Variants in IFT56 observed in about 807,000 individuals in gnomAD.
The protein encoded by IFT56 is intraflagellar transport protein 56.
At chr7:139,165,599 A>G in the IFT56 span, among the ~76,000 whole-genome samples, 167 of 152,214 alleles carry the variant, frequency 1.1e-3, no homozygotes, top group African/African-American at 3.8e-3. Context: ...GTCTTTTGAA[A>G]AAAGTATTAA....
At chr7:139,163,374 A>G in the IFT56 span, among the ~76,000 whole-genome samples, 1 of 151,800 alleles carries the variant, frequency 6.6e-6, no homozygotes, top group South Asian at 2.1e-4. Context: ...AGAAAGTGGC[A>G]TTGTTGTTAT....
At chr7:139,189,273 T>A in the IFT56 span, 1 of 1,390,436 alleles carries the variant, frequency 7.2e-7, no homozygotes, top group South Asian at 1.2e-5. Flanking sequence ...TATTTTTTAA[T>A]TTTCATTCTT....
chr7:139,187,497 G>C, the IFT56 span: 1 of 1,614,204 alleles, frequency 6.2e-7, no homozygotes. Context: ...CGGGGTGCCT[G>C]TGTGGGCATT....
chr7:139,144,313 T>G, the IFT56 span, among the ~76,000 whole-genome samples: 3 of 152,114 alleles, frequency 2.0e-5, no homozygotes, highest in Non-Finnish European at 4.4e-5. Flanking sequence ...GTTGCTTTAT[T>G]GCTTCCTAGG....
chr7:139,163,340 TAAAA>T, the IFT56 span, among the ~76,000 whole-genome samples: 2 of 124,638 alleles, frequency 1.6e-5, no homozygotes. Context: ...AGACTCCATC[TAAAA>T]AAAAAAAAAA....
chr7:139,146,644 G>A, the IFT56 span, among the ~76,000 whole-genome samples: 1 of 151,876 alleles, frequency 6.6e-6, no homozygotes, highest in Non-Finnish European at 1.5e-5. Context: ...GCATGCGCCT[G>A]TAATCCCAGG....
chr7:139,179,692 T>C, the IFT56 span: 11 of 1,465,644 alleles, frequency 7.5e-6, no homozygotes, highest in South Asian at 1.1e-4. Flanking sequence ...CTTTTTCTTT[T>C]TGGTTGCATA....
chr7:139,187,366 T>G, the IFT56 span: 3 of 1,603,654 alleles, frequency 1.9e-6, no homozygotes, highest in Non-Finnish European at 1.7e-6. Context: ...CTGTGCAATC[T>G]CTTTACTGCA....
the IFT56 span, among the ~76,000 whole-genome samples, chr7:139,169,721 T>C: frequency 3.9e-5 from 6 of 152,330 alleles, no homozygotes; most frequent in East Asian, 1.2e-3. Context: ...TATAAAAATA[T>C]TAAAACCAGC....
chr7:139,141,368 AT>A, the IFT56 span, among the ~76,000 whole-genome samples: 9 of 152,146 alleles, frequency 5.9e-5, no homozygotes, highest in African/African-American at 2.2e-4. Context: ...GGTTCAAGCC[AT>A]CCTCCAGCCC....
At chr7:139,142,597 A>C in the IFT56 span, among the ~76,000 whole-genome samples, 1 of 152,226 alleles carries the variant, frequency 6.6e-6, no homozygotes, top group African/African-American at 2.4e-5. Flanking sequence ...TGGGAGGCTG[A>C]AGCGGGCGGA....
the IFT56 span, among the ~76,000 whole-genome samples, chr7:139,181,996 A>G: frequency 6.6e-6 from 1 of 152,120 alleles, no homozygotes; most frequent in Non-Finnish European, 1.5e-5. Context: ...TGAGGTGCAA[A>G]TGGCAGACAG....
the IFT56 span, among the ~76,000 whole-genome samples, chr7:139,154,363 T>C: frequency 6.6e-6 from 1 of 151,882 alleles, no homozygotes; most frequent in African/African-American, 2.4e-5. Flanking sequence ...CTTTTTTTTT[T>C]TTTTGCCTTT....
chr7:139,147,428 A>G, the IFT56 span: 1 of 768,618 alleles, frequency 1.3e-6, no homozygotes, highest in East Asian at 2.6e-5. Context: ...TGGTGAGATT[A>G]AGAATTAGAT....
At chr7:139,135,299 C>CAA in the IFT56 span, among the ~76,000 whole-genome samples, 1 of 99,190 alleles carries the variant, frequency 1.0e-5, no homozygotes, top group African/African-American at 5.9e-5. Flanking sequence ...AAAAAAAAAA[C>CAA]AAAACAAAAC....
At chr7:139,178,917 T>C in the IFT56 span, among the ~76,000 whole-genome samples, 655 of 152,176 alleles carry the variant, frequency 4.3e-3, 3 homozygotes, top group Non-Finnish European at 7.8e-3. Flanking sequence ...AAAATTACAA[T>C]GTGAATAGAC....
the IFT56 span, among the ~76,000 whole-genome samples, chr7:139,141,153 C>T: frequency 6.8e-6 from 1 of 147,814 alleles, no homozygotes; most frequent in African/African-American, 2.5e-5. Flanking sequence ...CCCAGCTACT[C>T]GGGAGGCTGA....
the IFT56 span, chr7:139,166,905 A>G: frequency 1.3e-6 from 2 of 1,553,364 alleles, no homozygotes; most frequent in East Asian, 4.5e-5. Flanking sequence ...GGTAACTGAG[A>G]ATGTTTTATA....
chr7:139,168,489 GCTCT>G, the IFT56 span: 1 of 877,226 alleles, frequency 1.1e-6, no homozygotes, highest in Non-Finnish European at 1.9e-6. Context: ...GCAGCAATAG[GCTCT>G]CCTGTAGCTC....
Sources: allele counts gnomAD v4.1 joint callset (sites outside exome capture counted in the v4.1 genomes callset), GRCh38; gene constraint gnomAD v4.1.1; transcripts MANE v1.5; gene names NCBI Gene and HGNC (gene_info 2026-07-23, HGNC 2026-07-21).